Variants in ULK4 observed in about 807,000 individuals in gnomAD.
The protein encoded by ULK4 is unc-51 like kinase 4, also known as inactive serine/threonine-protein kinase ULK4.
In ULK4, 133 loss-of-function variants were observed where a neutral mutation model predicts 160.6. That is an observed-to-expected ratio of 0.83 (90% CI 0.72 to 0.96). The LOEUF is 0.96. Ranked by LOEUF, ULK4 falls within the 40% of genes least tolerant of loss-of-function variation. ULK4 has a pLI of 0.00. For synonymous variants in ULK4, 534 were observed against 539.8 expected, an observed-to-expected ratio of 0.99 and a Z score of 0.15; for missense variants, 1,580 against 1,499.5, an observed-to-expected ratio of 1.05 and a Z score of -0.89.
At chr3:41,514,397 T>G (rs2085685691) in intron 32 of ULK4, among the ~76,000 whole-genome samples, 1 of 151,856 alleles carries the variant, frequency 6.6e-6, no homozygotes, top group Admixed American at 6.6e-5. Flanking sequence ...AGGAATAGGG[T>G]CATGTTTGAT....
At chr3:41,850,749 T>G (rs1220911550) in intron 17 of ULK4, among the ~76,000 whole-genome samples, 5 of 152,210 alleles carry the variant, frequency 3.3e-5, no homozygotes, top group African/African-American at 4.8e-5. Context: ...TTTCTCCCAT[T>G]CTGTAGGTTG....
intron 18 of ULK4, among the ~76,000 whole-genome samples, chr3:41,835,218 C>G (rs967619): frequency 0.12 from 18,553 of 152,084 alleles, 1,328 homozygotes; most frequent in Middle Eastern, 0.27. Context: ...TCAAAACAAA[C>G]AAAGAAATAC....
At chr3:41,553,878 T>G (rs1795369) in intron 32 of ULK4, among the ~76,000 whole-genome samples, 1 of 151,866 alleles carries the variant, frequency 6.6e-6, no homozygotes, top group Non-Finnish European at 1.5e-5. Context: ...TAAATTATTT[T>G]TTATTATAGC....
chr3:41,639,521 A>AG (rs2034097592), intron 30 of ULK4, among the ~76,000 whole-genome samples: 1 of 152,186 alleles, frequency 6.6e-6, no homozygotes, highest in African/African-American at 2.4e-5. Context: ...TGAGGTCAGG[A>AG]GTTCAAGACC....
At chr3:41,857,482 C>G (rs1203835416) in intron 17 of ULK4, among the ~76,000 whole-genome samples, 1 of 151,988 alleles carries the variant, frequency 6.6e-6, no homozygotes, top group African/African-American at 2.4e-5. Context: ...GTACTCTCTC[C>G]TCGTCTTATT....
intron 32 of ULK4, among the ~76,000 whole-genome samples, chr3:41,499,636 T>C (rs2085117830): frequency 2.0e-5 from 3 of 152,178 alleles, no homozygotes; most frequent in Admixed American, 2.0e-4. Flanking sequence ...GGCAAATAAA[T>C]TAATGTAGTA....
intron 30 of ULK4, among the ~76,000 whole-genome samples, chr3:41,653,663 A>G (rs1367689150): frequency 6.6e-6 from 1 of 152,236 alleles, no homozygotes; most frequent in Non-Finnish European, 1.5e-5. Flanking sequence ...TCCAGAAGTA[A>G]GTATTTTAGG....
Position 41,754,338 on chromosome 3 carries a change from G to A in ULK4, c.2321+23C>T, listed in dbSNP as rs369121963. On this transcript the variant is annotated intron_variant, in intron 22 of 36. Coordinates refer to ENST00000301831, the MANE Select transcript of ULK4 (RefSeq NM_017886.4). Reference sequence around the variant, plus strand: ...CAGGCACTAAATTGAAGTTACTGATGAAACCATCAGAGAAAATCTTACCTT... The same window carrying A: ...CAGGCACTAAATTGAAGTTACTGATAAAACCATCAGAGAAAATCTTACCTT... 67 of 1,603,580 alleles carry A rather than the reference G, an allele frequency of 4.2e-5. No individual in the cohort carries two copies. In the African/African-American group the frequency reaches 8.3e-4, roughly 20 times the overall value.
intron 35 of ULK4, among the ~76,000 whole-genome samples, chr3:41,302,665 A>C (rs1309710997): frequency 6.6e-6 from 1 of 152,236 alleles, no homozygotes; most frequent in Non-Finnish European, 1.5e-5. Context: ...TACTCCAAAA[A>C]GTTCAGATTC....
intron 21 of ULK4, among the ~76,000 whole-genome samples, chr3:41,769,544 G>T (rs1267175317): frequency 2.6e-5 from 4 of 152,120 alleles, no homozygotes; most frequent in Non-Finnish European, 4.4e-5. Flanking sequence ...AAGCCATTTA[G>T]TTCTATAACC....
intron 25 of ULK4, among the ~76,000 whole-genome samples, chr3:41,707,412 C>T (rs1315327473): frequency 1.3e-5 from 2 of 152,052 alleles, no homozygotes; most frequent in East Asian, 1.9e-4. Context: ...AAGGAAACAA[C>T]AGAGTGAAGA....
chr3:41,557,414 A>C (rs2087339075), intron 32 of ULK4, among the ~76,000 whole-genome samples: 2 of 151,974 alleles, frequency 1.3e-5, no homozygotes, highest in South Asian at 4.1e-4. Flanking sequence ...AAAAGAATTA[A>C]TATATGTACA....
chr3:41,500,337 C>A lies in ULK4; in HGVS notation c.3227-37084G>T, dbSNP rs537260514. ...GGCACTGGTTCTCAACAGTTGAAAA[C>A]CCTGATTTTTAAAAACTATCAATGT... On this transcript the variant is annotated intron_variant, in intron 32 of 36. Coordinates refer to ENST00000301831, the MANE Select transcript of ULK4 (RefSeq NM_017886.4). Among the ~76,000 whole-genome samples, 162 of 149,840 alleles carry A rather than the reference C, an allele frequency of 1.1e-3. 1 individual carries two copies. Among genetic ancestry groups the A allele is most frequent in the Admixed American group, 3.7e-3 (55 of 14,918 alleles).
chr3:41,679,427 G>C (rs2035849016), intron 29 of ULK4, among the ~76,000 whole-genome samples: 1 of 152,148 alleles, frequency 6.6e-6, no homozygotes, highest in African/African-American at 2.4e-5. Flanking sequence ...CAGTCTGAAA[G>C]GTTTGAAAAC....
chr3:41,935,200 TATTTATTTA>T (rs1352626401), intron 4 of ULK4, among the ~76,000 whole-genome samples: 13 of 7,558 alleles, frequency 1.7e-3, no homozygotes, highest in African/African-American at 1.9e-3. Context: ...TGTTTTTATT[TATTTATTTA>T]TTTTTTTTTT....
At chr3:41,498,186 G>A (rs1430719405) in intron 32 of ULK4, among the ~76,000 whole-genome samples, 1 of 152,156 alleles carries the variant, frequency 6.6e-6, no homozygotes, top group East Asian at 1.9e-4. Flanking sequence ...TCAAAAAACT[G>A]AAATGTTTGA....
intron 30 of ULK4, among the ~76,000 whole-genome samples, chr3:41,661,295 A>G (rs575258620): frequency 2.0e-5 from 3 of 152,310 alleles, no homozygotes; most frequent in Admixed American, 6.5e-5. Context: ...AATCATTTTG[A>G]TAAGTGAAAA....
At chr3:41,647,830 G>C (rs563832923) in intron 30 of ULK4, among the ~76,000 whole-genome samples, 2 of 151,208 alleles carry the variant, frequency 1.3e-5, no homozygotes, top group East Asian at 1.9e-4. Flanking sequence ...AGGCCTCCTT[G>C]AGCTGTGGTG....
chr3:41,644,008 T>A (rs1473557481), intron 30 of ULK4, among the ~76,000 whole-genome samples: 4 of 152,204 alleles, frequency 2.6e-5, no homozygotes, highest in African/African-American at 9.7e-5. Context: ...GTTATTGGTG[T>A]ATAAGAATGC....
Sources: gnomAD v4.1 joint callset for allele counts (sites outside exome capture counted in the v4.1 genomes callset) on GRCh38, gnomAD v4.1.1 for gene constraint, MANE v1.5 for transcripts, NCBI Gene and HGNC (gene_info 2026-07-23, HGNC 2026-07-21) for gene names.